KANK4: variants seen among roughly 807,000 people sequenced by gnomAD.
KANK4 encodes the protein KN motif and ankyrin repeat domain-containing protein 4.
KANK4 carries 50 observed loss-of-function variants against 80.8 expected under a neutral mutation model. The observed-to-expected ratio is 0.62, with a 90% CI of 0.49 to 0.78. KANK4 has a LOEUF of 0.78. Among genes scored for constraint, KANK4 ranks in the 30% least tolerant of loss-of-function variants. KANK4 has a pLI of 0.00. For synonymous variants in KANK4, 465 were observed against 506.9 expected (o/e 0.92, Z 1.11); for missense variants, 1,196 against 1,240.1 (o/e 0.96, Z 0.53).
At position 62,275,099 on chromosome 1, in the gene KANK4, A is replaced by G. The variant is rs1187541823; in HGVS notation, c.17-12T>C. On this transcript the variant is annotated splice_polypyrimidine_tract_variant and intron_variant, in intron 2 of 9. Coordinates refer to ENST00000371153, the MANE Select transcript of KANK4 (RefSeq NM_181712.5). ...GGACTGGTCTTTGGCTGGGAGACAT[A>G]AGACAAGTTAAAAAAAAAAAGCACA... 1 of 1,565,108 alleles carries G rather than the reference A, an allele frequency of 6.4e-7. No individual in the cohort carries two copies. Among genetic ancestry groups the G allele is most frequent in the African/African-American group, 1.4e-5 (1 of 72,336 alleles).
chr1:62,279,146 G>C (rs1194768530), intron 2 of KANK4, among the ~76,000 whole-genome samples: 1 of 151,650 alleles, frequency 6.6e-6, no homozygotes, highest in East Asian at 1.9e-4. Flanking sequence ...CAGCTACCAA[G>C]GATGACAGGT....
intron 2 of KANK4, among the ~76,000 whole-genome samples, chr1:62,277,703 T>A (rs1672343826): frequency 6.6e-6 from 1 of 152,150 alleles, no homozygotes; most frequent in African/African-American, 2.4e-5. Context: ...AAATGCCCAG[T>A]CAGCCCCAAG....
chr1:62,299,381 C>A (rs1644393464), intron 1 of KANK4, among the ~76,000 whole-genome samples: 1 of 152,194 alleles, frequency 6.6e-6, no homozygotes, highest in Non-Finnish European at 1.5e-5. Context: ...TCTTAATGGC[C>A]CAGACTGAAG....
chr1:62,253,677 G>T (rs1190800713), intron 7 of KANK4, among the ~76,000 whole-genome samples: 1 of 152,144 alleles, frequency 6.6e-6, no homozygotes, highest in African/African-American at 2.4e-5. Flanking sequence ...TTCGCAAAGT[G>T]CTGAGATTAC....
chr1:62,302,902 T>C (rs776858366), intron 1 of KANK4, among the ~76,000 whole-genome samples: 7 of 152,104 alleles, frequency 4.6e-5, no homozygotes, highest in Admixed American at 1.3e-4. Flanking sequence ...GCTTAAGAGT[T>C]CATGGCTTTT....
At chr1:62,258,981 C>G (rs1039147466) in intron 7 of KANK4, among the ~76,000 whole-genome samples, 1 of 152,012 alleles carries the variant, frequency 6.6e-6, no homozygotes, top group Admixed American at 6.6e-5. Context: ...GCCAGCGTGG[C>G]TGGAGTGGAG....
In KANK4 at chr1:62,274,628, A is replaced by G; in HGVS notation, c.476T>C (p.Leu159Pro). 2 of 1,614,108 alleles carry G rather than the reference A, an allele frequency of 1.2e-6. No homozygotes were observed. The highest frequency in any genetic ancestry group is 1.7e-6 in the Non-Finnish European group (2 of 1,180,000). The change falls in exon 3 of 10, where the codon CTC becomes CCC. Residue 159 changes from leucine (L) to proline (P), a missense_variant. Physicochemically the swap from Leu to Pro is moderately conservative, Grantham distance 98 (BLOSUM62 -3). Coordinates refer to ENST00000371153, the MANE Select transcript of KANK4 (RefSeq NM_181712.5). ...ELTFGSGRPQ[L>P]LRASSMPATL... is the part of the protein sequence containing the mutation. ...GGCAGGCATGCTGGATGCTCTCAAG[A>G]GCTGGGGCCGTCCACTCCCAAAAGT...
At chr1:62,313,690 G>C (rs1644515647) in intron 1 of KANK4, among the ~76,000 whole-genome samples, 1 of 151,990 alleles carries the variant, frequency 6.6e-6, no homozygotes, top group South Asian at 2.1e-4. Flanking sequence ...TCACATACTG[G>C]GGCCTGCTGA....
Position 62,275,090 on chromosome 1 carries a change from G to C in KANK4, c.17-3C>G. 6.3e-7 allele frequency: 1 copy of C among 1,584,314 alleles called. No homozygotes were observed. Among genetic ancestry groups the C allele is most frequent in the South Asian group, 1.2e-5 (1 of 86,272 alleles). On this transcript the variant is annotated splice_region_variant and splice_polypyrimidine_tract_variant and intron_variant, in intron 2 of 9. Coordinates refer to ENST00000371153, the MANE Select transcript of KANK4 (RefSeq NM_181712.5). ...CCCCTGAGAGGACTGGTCTTTGGCTGGGAGACATAAGACAAGTTAAAAAAA... is the reference window on the plus strand; with the variant it reads ...CCCCTGAGAGGACTGGTCTTTGGCTCGGAGACATAAGACAAGTTAAAAAAA...
chr1:62,270,386 C>T (rs1672131392), intron 4 of KANK4, among the ~76,000 whole-genome samples: 1 of 142,580 alleles, frequency 7.0e-6, no homozygotes, highest in African/African-American at 2.6e-5. Context: ...CTTTGCTTTG[C>T]TTTTTTTTTT....
At position 62,273,399 on chromosome 1, in the gene KANK4, C is replaced by T; in HGVS notation, c.1705G>A (p.Glu569Lys). 1 of 1,608,774 alleles carries T rather than the reference C, an allele frequency of 6.2e-7. No homozygotes were observed. The change falls in exon 3 of 10, where the codon GAG becomes AAG. Residue 569 changes from glutamate (E) to lysine (K), a missense_variant. Coordinates refer to ENST00000371153, the MANE Select transcript of KANK4 (RefSeq NM_181712.5). ...CAGTTCCACTGCTCCTGCAGGAGCT[C>T]CTGGATCTTCTTCACATACTGCCCA... The part of the protein sequence containing the change: ...TIGQYVKKIQ[E>K]LLQEQWNCLE...
chr1:62,309,027 T>TTTTAGCCTG (rs1644476090), intron 1 of KANK4, among the ~76,000 whole-genome samples: 1 of 152,176 alleles, frequency 6.6e-6, no homozygotes, highest in Admixed American at 6.5e-5. Context: ...ATACCAGGTG[T>TTTTAGCCTG]TTTAGCCTGT....
intron 1 of KANK4, among the ~76,000 whole-genome samples, chr1:62,286,742 A>G (rs1672576726): frequency 6.6e-6 from 1 of 152,134 alleles, no homozygotes; most frequent in African/African-American, 2.4e-5. Context: ...CCGCTTTAGA[A>G]ACATCCTTCC....
intron 1 of KANK4, among the ~76,000 whole-genome samples, chr1:62,317,030 G>A (rs577805714): frequency 2.6e-5 from 4 of 152,210 alleles, no homozygotes; most frequent in Admixed American, 6.5e-5. Context: ...TTCAGACCAA[G>A]GGTAGTAGTA....
Position 62,274,538 on chromosome 1 carries a change from G to A in KANK4, c.566C>T (p.Ala189Val). The change falls in exon 3 of 10, where the codon GCC becomes GTC. Residue 189 changes from alanine to valine, a missense_variant. Transcript: ENST00000371153. ...GLSLGPPAPP[A>V]LPPLQGEGSV... ...GCCTTCACCCTGAAGGGGAGGGAGG[G>A]CAGGAGGGGCAGGGGGCCCCAGGCT... The A allele has an allele frequency of 6.2e-7, 1 of 1,614,142 alleles. No homozygotes were observed.
At chr1:62,263,339 A>G in intron 6 of KANK4, 28 bp from the exon 7 acceptor site, 2 of 1,589,066 alleles carry the variant, frequency 1.3e-6, no homozygotes, top group Non-Finnish European at 1.7e-6. Context: ...ACCAATTCCA[A>G]GAGGTTCCCC....
rs777890866 is a variant in KANK4 at position 62,274,255 on chromosome 1, C to A, written c.849G>T (p.Thr283=). The A allele has an allele frequency of 6.2e-7, 1 of 1,613,856 alleles. No homozygotes were observed. The highest frequency in any genetic ancestry group is 2.2e-5 in the East Asian group (1 of 44,876). Residue 283 remains threonine (T), a synonymous_variant, in exon 3 of 10, where the codon ACG becomes ACT. Transcript: ENST00000371153. The part of the protein sequence containing the change: ...AEVLFTPGSP[T]PSPPPLPSPI... ...GTGATGGCAGAGGTGGCGGGCTTGGCGTAGGGGAGCCAGGGGTGAACAACA... is the reference window on the plus strand; with the variant it reads ...GTGATGGCAGAGGTGGCGGGCTTGGAGTAGGGGAGCCAGGGGTGAACAACA...
intron 1 of KANK4, among the ~76,000 whole-genome samples, chr1:62,307,020 C>T (rs1476068817): frequency 1.3e-5 from 2 of 152,108 alleles, no homozygotes; most frequent in African/African-American, 2.4e-5. Context: ...TTGGTGTCAT[C>T]CCCAGTAAAG....
chr1:62,291,530 C>T (rs994597193), intron 1 of KANK4, among the ~76,000 whole-genome samples: 4 of 152,210 alleles, frequency 2.6e-5, no homozygotes, highest in African/African-American at 4.8e-5. Context: ...CAGGCTCAAA[C>T]GCCTGGGCTC....
Sources: gnomAD v4.1 joint callset for allele counts (sites outside exome capture counted in the v4.1 genomes callset) on GRCh38, gnomAD v4.1.1 for gene constraint, MANE v1.5 for transcripts, NCBI Gene and HGNC (gene_info 2026-07-23, HGNC 2026-07-21) for gene names.